MYCBP2: variants seen among roughly 807,000 people sequenced by gnomAD.
MYCBP2 encodes the protein MYC binding protein 2, also known as E3 ubiquitin-protein ligase MYCBP2.
Under a neutral mutation model 525.3 loss-of-function variants are expected in MYCBP2, and 120 were observed. That is an observed-to-expected ratio of 0.23 (90% confidence interval 0.20 to 0.27). MYCBP2 has a LOEUF of 0.27. MYCBP2 is among the 10% of genes least tolerant of loss of function. MYCBP2 has a pLI of 1.00. For missense variants in MYCBP2, 4,149 were observed against 5,657.1 expected (o/e 0.73, Z 8.55); for synonymous variants, 1,894 against 1,955.8 (o/e 0.97, Z 0.83).
intron 1 of MYCBP2, among the ~76,000 whole-genome samples, chr13:77,312,768 A>G (rs2080423796): frequency 6.6e-6 from 1 of 152,102 alleles, no homozygotes; most frequent in Non-Finnish European, 1.5e-5. Context: ...AATTAATCAT[A>G]TTAAATATTA....
chr13:77,148,142 A>G (rs1340350268), intron 47 of MYCBP2, among the ~76,000 whole-genome samples: 1 of 152,044 alleles, frequency 6.6e-6, no homozygotes, highest in African/African-American at 2.4e-5. Context: ...AATAGTAGAA[A>G]TAATTTTAAA....
intron 15 of MYCBP2, among the ~76,000 whole-genome samples, chr13:77,249,011 C>CA (rs1567046694): frequency 6.6e-6 from 1 of 152,030 alleles, no homozygotes; most frequent in Non-Finnish European, 1.5e-5. Flanking sequence ...AAGCCAGTCA[C>CA]AAAAAAGACA....
intron 67 of MYCBP2, 45 bp downstream of exon 67, chr13:77,077,103 T>C: frequency 6.3e-7 from 1 of 1,582,632 alleles, no homozygotes; most frequent in Non-Finnish European, 8.6e-7. Context: ...TTAAAATATA[T>C]TACATCAATT....
At chr13:77,259,338 A>G (rs560570615) in intron 13 of MYCBP2, among the ~76,000 whole-genome samples, 2 of 152,210 alleles carry the variant, frequency 1.3e-5, no homozygotes, top group South Asian at 4.2e-4. Context: ...CCAATATTTA[A>G]GTTCTGTAAT....
Position 77,081,691 on chromosome 13 carries a change from C to G in MYCBP2, c.11194-40G>C. 1.3e-6 allele frequency: 2 copies of G among 1,552,350 alleles called. No homozygotes were observed. The highest frequency in any genetic ancestry group is 2.5e-5 in the South Asian group (2 of 81,614). On this transcript the variant is annotated intron_variant, in intron 64 of 82. Coordinates refer to ENST00000544440, the MANE Select transcript of MYCBP2 (RefSeq NM_015057.5). The surrounding 1 kb of genome is among the most constrained non-coding windows in gnomAD (Gnocchi z 4.6). Reference sequence around the variant, plus strand: ...TATAAGTACTTATGATACTTAAAAGCAAATCTTTCGTGATGATAAAACAAA... The same window carrying G: ...TATAAGTACTTATGATACTTAAAAGGAAATCTTTCGTGATGATAAAACAAA...
At chr13:77,260,305 G>T in intron 13 of MYCBP2, 123 bp downstream of exon 13, 1 of 663,870 alleles carries the variant, frequency 1.5e-6, no homozygotes, top group Non-Finnish European at 2.3e-6. Flanking sequence ...TTCACATTTG[G>T]AAGGAAATGT....
intron 49 of MYCBP2, 45 bp downstream of exon 49, chr13:77,144,400 T>C (rs1257971116): frequency 7.7e-7 from 1 of 1,303,500 alleles, no homozygotes; most frequent in African/African-American, 1.5e-5. Flanking sequence ...ATTTTGACTC[T>C]AGTTATTTGA....
chr13:77,206,634 C>T lies in MYCBP2; in HGVS notation c.3589+19G>A, dbSNP rs2063375540. ...CACACATTAATGTGAATTAATGGTACATCAAATCGCAACCCTACCTAAAAT... is the reference window on the plus strand; with the variant it reads ...CACACATTAATGTGAATTAATGGTATATCAAATCGCAACCCTACCTAAAAT... On this transcript the variant is annotated intron_variant, in intron 24 of 82. Transcript: ENST00000544440. 4 of 1,538,830 alleles carry T rather than the reference C, an allele frequency of 2.6e-6. 1 individual carries two copies. The Admixed American group carries it at 5.9e-5, about 23-fold the overall frequency.
At chr13:77,269,311 G>T (rs2074539562) in intron 7 of MYCBP2, among the ~76,000 whole-genome samples, 3 of 152,096 alleles carry the variant, frequency 2.0e-5, no homozygotes, top group African/African-American at 7.2e-5. Context: ...CCCTAATTTG[G>T]CCTCAGGACA....
At chr13:77,182,228 A>G (rs2154248924) in intron 32 of MYCBP2, among the ~76,000 whole-genome samples, 1 of 152,308 alleles carries the variant, frequency 6.6e-6, no homozygotes, top group South Asian at 2.1e-4. Context: ...CACTGTTTCA[A>G]AGGGAGATGC....
At chr13:77,296,837 T>TG (rs2078241041) in intron 1 of MYCBP2, among the ~76,000 whole-genome samples, 163 bp from the exon 2 acceptor site, 1 of 152,168 alleles carries the variant, frequency 6.6e-6, no homozygotes, top group African/African-American at 2.4e-5. Context: ...GATACTAACA[T>TG]ATAAAGTAGC....
intron 46 of MYCBP2, among the ~76,000 whole-genome samples, chr13:77,155,178 G>T (rs2057057630): frequency 6.6e-6 from 1 of 152,084 alleles, no homozygotes. Context: ...CTTAAGTCAT[G>T]TAAGCAATGT....
intron 15 of MYCBP2, among the ~76,000 whole-genome samples, chr13:77,248,770 C>T (rs1457241014): frequency 1.3e-5 from 2 of 152,002 alleles, no homozygotes; most frequent in African/African-American, 2.4e-5. Flanking sequence ...GGGTATATGC[C>T]CAAAAGAACT....
intron 71 of MYCBP2, among the ~76,000 whole-genome samples, chr13:77,067,179 T>C (rs1040774018): frequency 6.6e-6 from 1 of 152,196 alleles, no homozygotes; most frequent in Non-Finnish European, 1.5e-5. Flanking sequence ...TATTCTTCTA[T>C]AATTTGTCCC....
intron 71 of MYCBP2, 111 bp downstream of exon 71, chr13:77,067,470 A>T: frequency 8.7e-7 from 1 of 1,148,942 alleles, no homozygotes; most frequent in Non-Finnish European, 1.2e-6. Context: ...TTGTTTATGG[A>T]TTTTATTTGG....
Position 77,210,147 on chromosome 13 carries a change from A to G in MYCBP2, c.3416+1020T>C, listed in dbSNP as rs74985186. On this transcript the variant is annotated intron_variant, in intron 23 of 82. Transcript: ENST00000544440. Reference sequence around the variant, plus strand: ...TTAGTATCCAAAGCTAGAAACACTAAGAAGGGTAACTTATTTATTCATTTT... The same window carrying G: ...TTAGTATCCAAAGCTAGAAACACTAGGAAGGGTAACTTATTTATTCATTTT... Among the ~76,000 whole-genome samples the G allele has an allele frequency of 3.9e-5, 6 of 152,268 alleles. No homozygotes were observed. In the East Asian group the frequency reaches 1.2e-3, roughly 29 times the overall value.
chr13:77,066,002 T>C lies in MYCBP2; in HGVS notation c.12542A>G (p.Asp4181Gly). 2 of 1,611,334 alleles carry C rather than the reference T, an allele frequency of 1.2e-6. No homozygotes were observed. The highest frequency in any genetic ancestry group is 1.7e-6 in the Non-Finnish European group (2 of 1,178,446). ...AGAATGGGAACTTACTGCTGCCATA[T>C]CCTTGATAAGTTTAATGATGATCTC... is the stretch of plus-strand genomic sequence containing the variant. The part of the protein sequence containing the change: ...ISEIIIKLIK[D>G]MAAGHLSEAW... Residue 4181 changes from aspartate to glycine, a missense_variant, in exon 72 of 83, where the codon GAT (aspartate) becomes GGT (glycine). Asp to Gly is a moderately conservative substitution (Grantham distance 94, BLOSUM62 -1). Transcript: ENST00000544440.
At chr13:77,235,884 C>A (rs2067844927) in intron 17 of MYCBP2, among the ~76,000 whole-genome samples, 1 of 151,462 alleles carries the variant, frequency 6.6e-6, no homozygotes, top group South Asian at 2.1e-4. Context: ...TAACAAGTAG[C>A]ATAAAGGTTC....
intron 29 of MYCBP2, among the ~76,000 whole-genome samples, chr13:77,189,353 C>T (rs1222789722): frequency 6.6e-6 from 1 of 152,016 alleles, no homozygotes; most frequent in East Asian, 1.9e-4. Flanking sequence ...ACTATTAATG[C>T]TGTTATTTAA....
Sources: allele counts gnomAD v4.1 joint callset (sites outside exome capture counted in the v4.1 genomes callset), GRCh38; gene constraint gnomAD v4.1.1; non-coding constraint Gnocchi (gnomAD v3.1); transcripts MANE v1.5; gene names NCBI Gene and HGNC (gene_info 2026-07-23, HGNC 2026-07-21).